The following SNX1 variants were observed in gnomAD, a reference collection of about 807,000 sequenced individuals.
SNX1 encodes the protein sorting nexin-1.
Under a neutral mutation model 71.8 loss-of-function variants are expected in SNX1, and 36 were observed. That is an observed-to-expected ratio of 0.50 (90% CI 0.38 to 0.66). The LOEUF is 0.66. SNX1 is among the 30% of genes least tolerant of loss of function. SNX1 has a pLI of 0.00. For missense variants in SNX1, 612 were observed against 646.7 expected (o/e 0.95, Z 0.58); for synonymous variants, 254 against 240.7 (o/e 1.06, Z -0.51).
intron 12 of SNX1, among the ~76,000 whole-genome samples, chr15:64,135,383 AGCCACCGC>A (rs1214010757): frequency 6.9e-6 from 1 of 144,622 alleles, no homozygotes; most frequent in African/African-American, 2.5e-5. Flanking sequence ...TACAGGCGTG[AGCCACCGC>A]GCCCGGCCGA....
chr15:64,095,985 G>A lies in SNX1; in HGVS notation c.-29G>A. 5 of 1,590,100 alleles carry A rather than the reference G, an allele frequency of 3.1e-6. No homozygotes were observed. Among genetic ancestry groups the A allele is most frequent in the Non-Finnish European group, 4.3e-6 (5 of 1,172,178 alleles). On this transcript the variant is annotated 5_prime_UTR_variant, in exon 1 of 15. Transcript: ENST00000559844. ...GGCGCTATCTCTCGATAAAGTTGTT[G>A]TTGCGGCTTCCGCCGCGGGTGGAAG... is the stretch of plus-strand genomic sequence containing the variant.
At chr15:64,137,009 A>T in intron 14 of SNX1, 77 bp downstream of exon 14, 1 of 1,164,994 alleles carries the variant, frequency 8.6e-7, no homozygotes, top group Non-Finnish European at 1.3e-6. Context: ...CTTCTGCAAC[A>T]AGATGTGCAG....
intron 2 of SNX1, among the ~76,000 whole-genome samples, chr15:64,115,169 A>G (rs1023546664): frequency 1.3e-5 from 2 of 152,220 alleles, no homozygotes; most frequent in African/African-American, 4.8e-5. Flanking sequence ...TGGGTTTTAT[A>G]CACATGAACA....
Position 64,138,043 on chromosome 15 carries a change from C to A in SNX1, c.*425C>A, listed in dbSNP as rs1355158284. 1 of 1,523,246 alleles carries A rather than the reference C, an allele frequency of 6.6e-7. No individual in the cohort carries two copies. The highest frequency in any genetic ancestry group is 2.1e-5 in the Admixed American group (1 of 47,358). The allele number at this position is 1,523,246 out of a possible 1,614,324, so 94.4% of individuals were successfully genotyped here. The stretch of plus-strand genomic sequence containing the variant: ...AGAATGTTGGTGGTTTTTGCTTAGG[C>A]TGGGGAGCAGTTGGGAATCAGGTCT... On this transcript the variant is annotated 3_prime_UTR_variant, in exon 15 of 15. Transcript: ENST00000559844.
In SNX1 at chr15:64,134,524, C is replaced by T. The variant is rs938905906; in HGVS notation, c.1222-140C>T. On this transcript the variant is annotated intron_variant, in intron 11 of 14. Coordinates refer to ENST00000559844, the MANE Select transcript of SNX1 (RefSeq NM_003099.5). This position sits in a 1 kb window ranked among gnomAD's most constrained non-coding sequence, Gnocchi z 4.1. ...TGCTCCTAGACATTAAACTTCCCAGCTGGGCACTAACATGTGGCTGCAGAA... is the reference window on the plus strand; with the variant it reads ...TGCTCCTAGACATTAAACTTCCCAGTTGGGCACTAACATGTGGCTGCAGAA... The T allele has an allele frequency of 2.1e-6, 2 of 960,558 alleles. No individual in the cohort carries two copies. The highest frequency in any genetic ancestry group is 1.7e-5 in the African/African-American group (1 of 60,208). The allele number at this position is 960,558 out of a possible 1,614,324, so 59.5% of individuals were successfully genotyped here. A position where few individuals can be genotyped will look rare whatever the true frequency, so the allele number is the denominator to read the frequency against.
chr15:64,118,940 G>T lies in SNX1; in HGVS notation c.466+86G>T, dbSNP rs961739113. 1.0e-5 allele frequency: 10 copies of T among 956,532 alleles called. No individual in the cohort carries two copies. In the African/African-American group the frequency reaches 1.3e-4, roughly 13 times the overall value. 59.3% of individuals were successfully genotyped at this position (956,532 alleles called of 1,614,324 possible). ...TAATTTCAGGATGGCTACCCCCAGA[G>T]TTGAACTAGCCAATGTGAAGTACTT... On this transcript the variant is annotated intron_variant, in intron 4 of 14. Coordinates refer to ENST00000559844, the MANE Select transcript of SNX1 (RefSeq NM_003099.5).
chr15:64,100,307 A>G (rs1459340030), intron 1 of SNX1, among the ~76,000 whole-genome samples: 1 of 152,130 alleles, frequency 6.6e-6, no homozygotes, highest in Non-Finnish European at 1.5e-5. Flanking sequence ...AGTTACTTAA[A>G]TGGGAGAGAA....
chr15:64,126,031 A>G (rs1567328044), intron 5 of SNX1, 48 bp from the exon 6 acceptor site: 1 of 1,603,834 alleles, frequency 6.2e-7, no homozygotes, highest in Non-Finnish European at 8.5e-7. Flanking sequence ...TCAAGATACC[A>G]TCCCCTATTT....
intron 1 of SNX1, among the ~76,000 whole-genome samples, chr15:64,109,847 T>C (rs1034592729): frequency 6.6e-6 from 1 of 152,186 alleles, no homozygotes; most frequent in African/African-American, 2.4e-5. Flanking sequence ...AAAGATTTTT[T>C]AAAAGAATGC....
At chr15:64,124,893 A>G (rs992340761) in intron 5 of SNX1, among the ~76,000 whole-genome samples, 7 of 152,114 alleles carry the variant, frequency 4.6e-5, no homozygotes, top group East Asian at 1.9e-4. Context: ...GGTGAGGCCA[A>G]CCTCCTTAAA....
intron 1 of SNX1, among the ~76,000 whole-genome samples, chr15:64,101,288 G>A (rs908235523): frequency 6.6e-6 from 1 of 152,084 alleles, no homozygotes; most frequent in African/African-American, 2.4e-5. Context: ...ACAGTCCCTG[G>A]TAATCAATCA....
intron 1 of SNX1, among the ~76,000 whole-genome samples, chr15:64,109,256 C>T (rs191877787): frequency 1.2e-4 from 19 of 152,054 alleles, no homozygotes; most frequent in Admixed American, 4.6e-4. Context: ...GCCTGTAGTC[C>T]CAGCTACTTG....
At chr15:64,119,639 G>C (rs888805983) in intron 4 of SNX1, among the ~76,000 whole-genome samples, 1 of 151,502 alleles carries the variant, frequency 6.6e-6, no homozygotes, top group Non-Finnish European at 1.5e-5. Context: ...CCAGAGAATC[G>C]CTTGAACCCG....
At position 64,130,326 on chromosome 15, in the gene SNX1, C is replaced by A. The variant is rs1418848365; in HGVS notation, c.1015+5C>A. ...CTCTAGTCAACCATAGGAAAGGTAA[C>A]AAGCTCTGAAATGCACTTGGAGCTA... On this transcript the variant is annotated splice_donor_5th_base_variant and intron_variant, in intron 10 of 14. Coordinates refer to ENST00000559844, the MANE Select transcript of SNX1 (RefSeq NM_003099.5). 1.9e-6 allele frequency: 3 copies of A among 1,611,460 alleles called. No homozygotes were observed. The highest frequency in any genetic ancestry group is 2.5e-6 in the Non-Finnish European group (3 of 1,177,728).
Position 64,143,972 on chromosome 15 carries a change from A to G in SNX1, c.*6354A>G, listed in dbSNP as rs1365068663. 2 of 152,234 alleles carry G rather than the reference A, an allele frequency of 1.3e-5. No homozygotes were observed. Among genetic ancestry groups the G allele is most frequent in the African/African-American group, 4.8e-5 (2 of 41,458 alleles). 9.4% of individuals were successfully genotyped at this position (152,234 alleles called of 1,614,324 possible). ...ATATTTTACAGCCATTGAAGATGAT[A>G]TATAGCTATATTCATTGACAAGGAA... On this transcript the variant is annotated 3_prime_UTR_variant, in exon 15 of 15. Coordinates refer to ENST00000559844, the MANE Select transcript of SNX1 (RefSeq NM_003099.5).
Position 64,129,778 on chromosome 15 carries a change from G to A in SNX1, c.808-138G>A, listed in dbSNP as rs1408789869. ...GGACATGTTAGTTGTGGATTCCTCA[G>A]ACTGCCTTTGAAAACAATTTACAGT... On this transcript the variant is annotated intron_variant, in intron 8 of 14. Coordinates refer to ENST00000559844, the MANE Select transcript of SNX1 (RefSeq NM_003099.5). The surrounding 1 kb of genome is among the most constrained non-coding windows in gnomAD (Gnocchi z 4.4). 2 of 642,302 alleles carry A rather than the reference G, an allele frequency of 3.1e-6. No individual in the cohort carries two copies. Among genetic ancestry groups the A allele is most frequent in the African/African-American group, 3.6e-5 (2 of 55,752 alleles). 39.8% of individuals were successfully genotyped at this position (642,302 alleles called of 1,614,324 possible). A position where few individuals can be genotyped will look rare whatever the true frequency, so the allele number is the denominator to read the frequency against.
At chr15:64,118,654 G>A (rs1453850546) in intron 3 of SNX1, 134 bp from the exon 4 acceptor site, 3 of 643,656 alleles carry the variant, frequency 4.7e-6, no homozygotes, top group Non-Finnish European at 7.8e-6. Context: ...CATTGGGATT[G>A]TTGGGAATGG....
intron 3 of SNX1, among the ~76,000 whole-genome samples, chr15:64,118,527 G>C (rs2081156826): frequency 6.6e-6 from 1 of 152,208 alleles, no homozygotes; most frequent in African/African-American, 2.4e-5. Context: ...TAGCCTGCAA[G>C]AGGCAAGTCT....
intron 2 of SNX1, among the ~76,000 whole-genome samples, chr15:64,114,840 T>C (rs2081112605): frequency 6.6e-6 from 1 of 152,214 alleles, no homozygotes; most frequent in South Asian, 2.1e-4. Context: ...GATTATTTTT[T>C]GGATAAAATT....
Sources: gnomAD v4.1 joint callset for allele counts (sites outside exome capture counted in the v4.1 genomes callset) on GRCh38, gnomAD v4.1.1 for gene constraint, Gnocchi (gnomAD v3.1) non-coding constraint, MANE v1.5 for transcripts, NCBI Gene and HGNC (gene_info 2026-07-23, HGNC 2026-07-21) for gene names.